Variants in ANK2 observed in about 807,000 individuals in gnomAD.
The protein encoded by ANK2 is ankyrin 2.
Under a neutral mutation model 360.5 loss-of-function variants are expected in ANK2, and 83 were observed. The observed-to-expected ratio is 0.23, with a 90% CI of 0.19 to 0.28. The LOEUF is 0.28. Ranked by LOEUF, ANK2 falls within the 10% of genes least tolerant of loss-of-function variation. The probability of loss-of-function intolerance (pLI) is 1.00; values close to 1 mark genes in which losing one functional copy is unlikely to be tolerated. For synonymous variants in ANK2, 1,740 were observed against 1,759.5 expected, an observed-to-expected ratio of 0.99 and a Z score of 0.28; for missense variants, 4,201 against 4,795.7, an observed-to-expected ratio of 0.88 and a Z score of 3.66.
intron 2 of ANK2, among the ~76,000 whole-genome samples, chr4:113,020,518 G>GT (rs1408367383): frequency 1.3e-5 from 2 of 152,010 alleles, no homozygotes; most frequent in Non-Finnish European, 1.5e-5. Flanking sequence ...ACGATAATTT[G>GT]TTTTTTCTGA....
At chr4:113,275,473 T>C (rs2059892246) in intron 15 of ANK2, among the ~76,000 whole-genome samples, 1 of 152,202 alleles carries the variant, frequency 6.6e-6, no homozygotes, top group Non-Finnish European at 1.5e-5. Flanking sequence ...ATTTCAATTC[T>C]CTCATAATCA....
At chr4:113,372,765 A>T (rs751637651) in intron 43 of ANK2, 61 of 671,234 alleles carry the variant, frequency 9.1e-5, no homozygotes, top group Non-Finnish European at 1.5e-4. Flanking sequence ...AACTCTCATA[A>T]GTTCTGTTTG....
intron 1 of ANK2, among the ~76,000 whole-genome samples, chr4:113,071,233 C>T (rs1346812330): frequency 6.6e-6 from 1 of 152,190 alleles, no homozygotes; most frequent in Non-Finnish European, 1.5e-5. Context: ...GATGCCTTTT[C>T]AGCCAGGATA....
intron 2 of ANK2, among the ~76,000 whole-genome samples, chr4:112,925,286 A>C (rs1407702896): frequency 6.6e-6 from 1 of 152,248 alleles, no homozygotes; most frequent in Admixed American, 6.5e-5. Flanking sequence ...AGAGCAAAGA[A>C]TGCAAAAAAC....
chr4:113,024,444 A>C (rs1003248362), intron 2 of ANK2, among the ~76,000 whole-genome samples: 31 of 152,166 alleles, frequency 2.0e-4, no homozygotes, highest in Non-Finnish European at 4.1e-4. Flanking sequence ...TAAAGGATAC[A>C]AAAATTTTCC....
At chr4:113,302,904 T>G in intron 23 of ANK2, 65 bp downstream of exon 23, 2 of 1,372,262 alleles carry the variant, frequency 1.5e-6, no homozygotes, top group Non-Finnish European at 2.1e-6. Flanking sequence ...AATTACCCTT[T>G]TTTTCAGAGA....
At chr4:112,878,297 G>C (rs1469822558) in intron 1 of ANK2, among the ~76,000 whole-genome samples, 2 of 151,726 alleles carry the variant, frequency 1.3e-5, no homozygotes, top group Admixed American at 6.6e-5. Flanking sequence ...TTCTGTTGTG[G>C]TTCTTTTATT....
At chr4:112,746,152 T>C in the ANK2 span, among the ~76,000 whole-genome samples, 9 of 152,306 alleles carry the variant, frequency 5.9e-5, no homozygotes, top group Admixed American at 5.9e-4. Context: ...AGGATGACAA[T>C]TAAATTAGCA....
intron 1 of ANK2, among the ~76,000 whole-genome samples, chr4:112,860,131 C>A (rs1299063786): frequency 2.6e-5 from 4 of 152,208 alleles, no homozygotes; most frequent in African/African-American, 9.7e-5. Context: ...ATTTACTGTG[C>A]TTCCTTTTCT....
intron 1 of ANK2, among the ~76,000 whole-genome samples, chr4:113,118,973 C>T (rs939184576): frequency 1.3e-5 from 2 of 152,108 alleles, no homozygotes; most frequent in African/African-American, 4.8e-5. Context: ...GTTTCTGTAT[C>T]TAGTTGAATG....
intron 43 of ANK2, chr4:113,372,678 A>G: frequency 7.9e-7 from 1 of 1,262,590 alleles, no homozygotes; most frequent in East Asian, 2.5e-5. Flanking sequence ...CCCATATTCT[A>G]AGAGTGATCA....
chr4:113,063,832 C>T (rs1205524375), intron 1 of ANK2, among the ~76,000 whole-genome samples: 2 of 152,004 alleles, frequency 1.3e-5, no homozygotes, highest in African/African-American at 4.8e-5. Context: ...TAAATTCTTG[C>T]TAATGTCCAA....
chr4:113,268,585 C>T (rs1286806323), intron 14 of ANK2, among the ~76,000 whole-genome samples: 1 of 152,094 alleles, frequency 6.6e-6, no homozygotes, highest in African/African-American at 2.4e-5. Flanking sequence ...GTCCTGCATC[C>T]CAGGGATGAA....
chr4:113,076,577 C>T (rs2080098925), intron 1 of ANK2, among the ~76,000 whole-genome samples: 1 of 152,134 alleles, frequency 6.6e-6, no homozygotes, highest in South Asian at 2.1e-4. Flanking sequence ...GAGAGGATTA[C>T]TTGAGCCCGG....
At chr4:112,900,414 G>C (rs1473829022) in intron 1 of ANK2, among the ~76,000 whole-genome samples, 2 of 151,880 alleles carry the variant, frequency 1.3e-5, no homozygotes, top group Non-Finnish European at 2.9e-5. Context: ...CATTGCTTTC[G>C]GTTATGGTGA....
rs2062973130 is a variant in ANK2, at chr4:113,282,960, C to T, written c.2079+88C>T. The T allele has an allele frequency of 5.6e-6, 8 of 1,423,282 alleles. No individual in the cohort carries two copies. In the East Asian group the frequency reaches 1.9e-4, roughly 33 times the overall value. 88.2% of individuals were successfully genotyped at this position (1,423,282 alleles called of 1,614,324 possible). A position where few individuals can be genotyped will look rare whatever the true frequency, so the allele number is the denominator to read the frequency against. On this transcript the variant is annotated intron_variant, in intron 18 of 45. Coordinates refer to ENST00000357077, the MANE Select transcript of ANK2 (RefSeq NM_001148.6). ...GCAGACAGTTTGGAACAAAAAGGAG[C>T]AATGTATTAAAAAGAAACAGGGATA...
At chr4:113,106,510 A>C (rs1484731929) in intron 1 of ANK2, among the ~76,000 whole-genome samples, 2 of 152,190 alleles carry the variant, frequency 1.3e-5, no homozygotes, top group Admixed American at 6.5e-5. Context: ...ATCCAAAAAT[A>C]CACTCCCACA....
intron 1 of ANK2, among the ~76,000 whole-genome samples, chr4:112,861,868 A>AGAGAGAGAGAGAGAGAGAG (rs201880535): frequency 2.2e-4 from 34 of 151,494 alleles, no homozygotes; most frequent in South Asian, 8.3e-4. Flanking sequence ...AGAGAGAGAG[A>AGAGAGAGAGAGAGAGAGAG]AACTCTCACA....
chr4:113,245,162 AT>A (rs968756103), intron 9 of ANK2, among the ~76,000 whole-genome samples: 2 of 152,102 alleles, frequency 1.3e-5, no homozygotes, highest in Non-Finnish European at 2.9e-5. Context: ...GGTTCTTTTC[AT>A]TCTGGCTACA....
Sources: allele counts gnomAD v4.1 joint callset (sites outside exome capture counted in the v4.1 genomes callset), GRCh38; gene constraint gnomAD v4.1.1; transcripts MANE v1.5; gene names NCBI Gene and HGNC (gene_info 2026-07-23, HGNC 2026-07-21).